The following EVI5 variants were observed in gnomAD, a reference collection of about 807,000 sequenced individuals.
EVI5 encodes the protein ecotropic viral integration site 5.
Under a neutral mutation model 112.0 loss-of-function variants are expected in EVI5, and 73 were observed. The observed-to-expected ratio is 0.65, with a 90% CI of 0.54 to 0.79. EVI5 has a LOEUF of 0.79. Among genes scored for constraint, EVI5 ranks in the 30% least tolerant of loss-of-function variants. The probability of loss-of-function intolerance (pLI) is 0.00; values close to 1 mark genes in which losing one functional copy is unlikely to be tolerated. For missense variants in EVI5, 900 were observed against 968.8 expected (o/e 0.93, Z 0.94); for synonymous variants, 305 against 319.9 (o/e 0.95, Z 0.50).
At chr1:92,743,503 TG>T (rs1678762968) in intron 1 of EVI5, among the ~76,000 whole-genome samples, 1 of 151,884 alleles carries the variant, frequency 6.6e-6, no homozygotes, top group Admixed American at 6.6e-5. Context: ...GAAAGTAAAA[TG>T]GTGGTTGCCA....
At chr1:92,701,323 A>G (rs983456922) in intron 5 of EVI5, among the ~76,000 whole-genome samples, 4 of 152,234 alleles carry the variant, frequency 2.6e-5, no homozygotes, top group Non-Finnish European at 5.9e-5. Context: ...CTAGGCTTCT[A>G]CATACATTAC....
chr1:92,590,520 G>A (rs987770670), intron 18 of EVI5, among the ~76,000 whole-genome samples: 1 of 152,042 alleles, frequency 6.6e-6, no homozygotes, highest in Non-Finnish European at 1.5e-5. Context: ...TATCAGCGAT[G>A]GAATATCAAA....
chr1:92,733,531 G>A (rs928368741), intron 2 of EVI5, among the ~76,000 whole-genome samples: 12 of 150,374 alleles, frequency 8.0e-5, no homozygotes, highest in East Asian at 2.0e-4. Context: ...TCAGCCTCCC[G>A]AGTAGCTGGA....
At chr1:92,680,062 T>C (rs974214913) in intron 9 of EVI5, among the ~76,000 whole-genome samples, 4 of 152,230 alleles carry the variant, frequency 2.6e-5, no homozygotes, top group South Asian at 2.1e-4. Context: ...ATACTCATAA[T>C]TGTTCTTTCT....
At chr1:92,594,220 A>G (rs949405978) in intron 18 of EVI5, among the ~76,000 whole-genome samples, 1 of 152,230 alleles carries the variant, frequency 6.6e-6, no homozygotes, top group Non-Finnish European at 1.5e-5. Flanking sequence ...AAACAGAGAT[A>G]TAGATTAATG....
chr1:92,547,972 A>G (rs1666065004), intron 19 of EVI5, among the ~76,000 whole-genome samples: 1 of 152,240 alleles, frequency 6.6e-6, no homozygotes, highest in Non-Finnish European at 1.5e-5. Context: ...ATAGAAAAAG[A>G]GGGAATCCTC....
In EVI5 at chr1:92,662,827, GT is replaced by G; in HGVS notation, c.1283del (p.Tyr428SerfsTer3). On this transcript the variant is annotated frameshift_variant, in exon 13 of 20. Coordinates refer to ENST00000684568, the MANE Select transcript of EVI5 (RefSeq NM_001350197.2). LOFTEE classifies it high-confidence loss of function. ...TGGTGGCCAACTCCCGTTTTATGAG[GT>G]AGTTTTCCTCAGCCTCCTGGGCTCT... ...VTRAQEAEEN[Y>X]LIKRELATIK... 1 of 1,289,162 alleles carries G rather than the reference GT, an allele frequency of 7.8e-7. No homozygotes were observed. Among genetic ancestry groups the G allele is most frequent in the Non-Finnish European group, 1.0e-6 (1 of 988,648 alleles). The allele number at this position is 1,289,162 out of a possible 1,614,324, so 79.9% of individuals were successfully genotyped here. A position where few individuals can be genotyped will look rare whatever the true frequency, so the allele number is the denominator to read the frequency against.
chr1:92,605,370 C>T lies in EVI5; in HGVS notation c.2007G>A (p.Arg669=), dbSNP rs1356354969. ...CCACAGCAGCTATGCTATCTGCTTC[C>T]CGAAGCCTCACAGCCATCACTTCTT... ...NKEEVMAVRL[R]EADSIAAVAE... is the part of the protein sequence containing the mutation. Residue 669 remains arginine (R), a synonymous_variant, in exon 18 of 20, where the codon CGG becomes CGA. Coordinates refer to ENST00000684568, the MANE Select transcript of EVI5 (RefSeq NM_001350197.2). The T allele has an allele frequency of 6.2e-7, 1 of 1,613,250 alleles. No homozygotes were observed. The highest frequency in any genetic ancestry group is 2.2e-5 in the East Asian group (1 of 44,876).
chr1:92,576,396 A>G (rs867103927), intron 18 of EVI5, among the ~76,000 whole-genome samples: 2 of 152,170 alleles, frequency 1.3e-5, no homozygotes, highest in African/African-American at 4.8e-5. Flanking sequence ...TCTTATTAAG[A>G]GACTAACCTA....
intron 18 of EVI5, among the ~76,000 whole-genome samples, chr1:92,596,763 A>G (rs1440769238): frequency 6.6e-6 from 1 of 152,234 alleles, no homozygotes; most frequent in African/African-American, 2.4e-5. Context: ...CCTGGCCCCA[A>G]GATAATTCTT....
At chr1:92,746,277 T>C (rs1679234896) in intron 1 of EVI5, among the ~76,000 whole-genome samples, 1 of 152,250 alleles carries the variant, frequency 6.6e-6, no homozygotes, top group South Asian at 2.1e-4. Flanking sequence ...CTCTGTTAAA[T>C]TTAATGTGTC....
chr1:92,644,113 G>A (rs1484108344), intron 13 of EVI5, among the ~76,000 whole-genome samples: 5 of 152,180 alleles, frequency 3.3e-5, no homozygotes, highest in African/African-American at 7.2e-5. Flanking sequence ...TCACTTAATA[G>A]TGGCAAACAT....
At chr1:92,658,836 C>T (rs1014248645) in intron 13 of EVI5, among the ~76,000 whole-genome samples, 7 of 152,042 alleles carry the variant, frequency 4.6e-5, no homozygotes, top group African/African-American at 1.7e-4. Flanking sequence ...AATTATACTA[C>T]AAGGCTATAG....
chr1:92,577,018 GA>G (rs568368848), intron 18 of EVI5, among the ~76,000 whole-genome samples: 58 of 152,158 alleles, frequency 3.8e-4, no homozygotes, highest in Non-Finnish European at 7.8e-4. Context: ...AAAAGGACAT[GA>G]AAAAAACCTT....
intron 1 of EVI5, among the ~76,000 whole-genome samples, chr1:92,771,608 CTT>C (rs10541210): frequency 4.3e-5 from 6 of 139,976 alleles, no homozygotes; most frequent in Admixed American, 2.8e-4. Context: ...ATTTTCTTTT[CTT>C]TTTTTTTTTT....
intron 19 of EVI5, among the ~76,000 whole-genome samples, chr1:92,550,795 T>A (rs1235768961): frequency 1.7e-4 from 15 of 89,086 alleles, no homozygotes; most frequent in South Asian, 3.8e-4. Flanking sequence ...TATATATATA[T>A]ATATATATAT....
intron 1 of EVI5, among the ~76,000 whole-genome samples, chr1:92,780,005 C>T (rs755175476): frequency 1.3e-5 from 2 of 152,172 alleles, no homozygotes; most frequent in Non-Finnish European, 2.9e-5. Context: ...GGCTCTGTGT[C>T]CCCACCCAAA....
At chr1:92,758,828 A>C (rs755108218) in intron 1 of EVI5, among the ~76,000 whole-genome samples, 3 of 151,554 alleles carry the variant, frequency 2.0e-5, no homozygotes, top group Non-Finnish European at 2.9e-5. Flanking sequence ...TAATTAAGGA[A>C]TGAGACCTAC....
At chr1:92,584,227 A>C (rs1040958460) in intron 18 of EVI5, among the ~76,000 whole-genome samples, 5 of 152,210 alleles carry the variant, frequency 3.3e-5, no homozygotes, top group African/African-American at 1.2e-4. Flanking sequence ...AGACAATTTA[A>C]AAAGCAATCT....
Sources: allele counts gnomAD v4.1 joint callset (sites outside exome capture counted in the v4.1 genomes callset), GRCh38; gene constraint gnomAD v4.1.1; transcripts MANE v1.5; gene names NCBI Gene and HGNC (gene_info 2026-07-23, HGNC 2026-07-21).